SNX2: variants seen among roughly 807,000 people sequenced by gnomAD.
SNX2 encodes sorting nexin 2.
SNX2 carries 25 observed loss-of-function variants against 69.9 expected under a neutral mutation model. The observed-to-expected ratio is 0.36, with a 90% CI of 0.26 to 0.50. SNX2 has a LOEUF of 0.50. Ranked by LOEUF, SNX2 falls within the 20% of genes least tolerant of loss-of-function variation. The probability of loss-of-function intolerance (pLI) is 0.97; values close to 1 mark genes in which losing one functional copy is unlikely to be tolerated. For synonymous variants in SNX2, 229 were observed against 200.4 expected (o/e 1.14, Z -1.20); for missense variants, 551 against 613.3 (o/e 0.90, Z 1.07).
At chr5:122,810,285 G>A (rs1335228711) in intron 7 of SNX2, among the ~76,000 whole-genome samples, 1 of 149,320 alleles carries the variant, frequency 6.7e-6, no homozygotes, top group African/African-American at 2.5e-5. Flanking sequence ...AGGGTCCTCT[G>A]CCTAGGAAAA....
intron 12 of SNX2, among the ~76,000 whole-genome samples, chr5:122,827,151 G>A (rs1245973681): frequency 1.3e-5 from 2 of 151,976 alleles, no homozygotes; most frequent in Admixed American, 1.3e-4. Flanking sequence ...GTACAGTATT[G>A]AAATATCTTA....
chr5:122,824,948 C>T (rs1228431455), intron 11 of SNX2, among the ~76,000 whole-genome samples: 1 of 152,106 alleles, frequency 6.6e-6, no homozygotes, highest in African/African-American at 2.4e-5. Context: ...TCCCACCTTT[C>T]GTATTTGGGA....
In SNX2 at chr5:122,781,118, G is replaced by A. The variant is rs551097785; in HGVS notation, c.108+5907G>A. On this transcript the variant is annotated intron_variant, in intron 1 of 14. Coordinates refer to ENST00000379516, the MANE Select transcript of SNX2 (RefSeq NM_003100.4). ...TTATTTTTAGATCCTATAAAAATAA[G>A]TTATTTTATGAAGTTGCTTGCGACA... is the stretch of plus-strand genomic sequence containing the variant. 1.4e-4 allele frequency among the ~76,000 whole-genome samples: 21 copies of A among 152,276 alleles called. No individual in the cohort carries two copies. The South Asian group carries it at 2.9e-3, about 21-fold the overall frequency.
At chr5:122,777,426 G>C (rs997130638) in intron 1 of SNX2, among the ~76,000 whole-genome samples, 7 of 152,136 alleles carry the variant, frequency 4.6e-5, no homozygotes, top group African/African-American at 1.2e-4. Flanking sequence ...AGATCATCAG[G>C]CTTGAATAGT....
rs116659470 is a variant in SNX2 at position 122,797,715 on chromosome 5, C to T, written c.227-1977C>T. ...GTGACATTGACATAATCAGTTCATACATGTCTCAAAGTATGTCTCCAAGGA... is the reference window on the plus strand; with the variant it reads ...GTGACATTGACATAATCAGTTCATATATGTCTCAAAGTATGTCTCCAAGGA... On this transcript the variant is annotated intron_variant, in intron 2 of 14. Coordinates refer to ENST00000379516, the MANE Select transcript of SNX2 (RefSeq NM_003100.4). 8.6e-3 allele frequency among the ~76,000 whole-genome samples: 1,314 copies of T among 152,246 alleles called. 22 individuals are homozygous for T. Among genetic ancestry groups the T allele is most frequent in the African/African-American group, 0.03 (1,250 of 41,548 alleles).
At chr5:122,796,835 GT>G (rs796711888) in intron 2 of SNX2, among the ~76,000 whole-genome samples, 5 of 149,590 alleles carry the variant, frequency 3.3e-5, no homozygotes, top group East Asian at 2.0e-4. Flanking sequence ...TACATGCAAG[GT>G]TTTTTTTTTC....
chr5:122,781,973 G>T (rs966277035), intron 1 of SNX2, among the ~76,000 whole-genome samples: 1 of 151,980 alleles, frequency 6.6e-6, no homozygotes, highest in Non-Finnish European at 1.5e-5. Flanking sequence ...TGTTGTGTCT[G>T]TATGGTGGAA....
intron 2 of SNX2, among the ~76,000 whole-genome samples, chr5:122,798,435 A>G (rs969121344): frequency 7.2e-5 from 11 of 152,240 alleles, no homozygotes; most frequent in Non-Finnish European, 1.0e-4. Context: ...TGAGATAACC[A>G]GTAAGAATAG....
chr5:122,806,142 G>GCGCACGCGCGCACACACACACACA lies in SNX2; in HGVS notation c.644-2134_644-2133insGCACGCGCGCACACACACACACAC. ...TGTGTATATATATACACACGCGCGC[G>GCGCACGCGCGCACACACACACACA]CACACACACACACACACACACACAC... is the stretch of plus-strand genomic sequence containing the variant. On this transcript the variant is annotated intron_variant, in intron 6 of 14. Transcript: ENST00000379516. Among the ~76,000 whole-genome samples, 346 of 130,642 alleles carry GCGCACGCGCGCACACACACACACA rather than the reference G, an allele frequency of 2.6e-3. 1 individual carries two copies. Among genetic ancestry groups the GCGCACGCGCGCACACACACACACA allele is most frequent in the Middle Eastern group, 7.7e-3 (2 of 260 alleles). 85.7% of individuals were successfully genotyped at this position (130,642 alleles called of 152,430 possible).
chr5:122,790,295 A>G (rs1753202558), intron 1 of SNX2, among the ~76,000 whole-genome samples: 1 of 152,072 alleles, frequency 6.6e-6, no homozygotes, highest in Non-Finnish European at 1.5e-5. Context: ...ATTTTTTTGT[A>G]TATTTAATAG....
chr5:122,792,268 G>A (rs1363789393), intron 1 of SNX2, among the ~76,000 whole-genome samples: 1 of 152,148 alleles, frequency 6.6e-6, no homozygotes, highest in Non-Finnish European at 1.5e-5. Flanking sequence ...TATTAATTAG[G>A]AGTGGCATCA....
chr5:122,784,699 T>C (rs530728883), intron 1 of SNX2, among the ~76,000 whole-genome samples: 130 of 152,196 alleles, frequency 8.5e-4, no homozygotes, highest in Non-Finnish European at 1.5e-3. Flanking sequence ...ATATTTGTGT[T>C]TTCTTTTTCA....
chr5:122,801,242 A>G (rs552617572), intron 3 of SNX2, among the ~76,000 whole-genome samples: 2 of 152,294 alleles, frequency 1.3e-5, no homozygotes, highest in South Asian at 2.1e-4. Context: ...GATTCAGTAT[A>G]TAGAACAAAA....
At chr5:122,815,423 C>CA (rs1219101226) in intron 7 of SNX2, 1 of 151,908 alleles carries the variant, frequency 6.6e-6, no homozygotes, top group African/African-American at 2.4e-5. Context: ...TGCTGACACG[C>CA]AAAAAAGTAT....
At chr5:122,783,717 C>G (rs1260167467) in intron 1 of SNX2, among the ~76,000 whole-genome samples, 1 of 152,072 alleles carries the variant, frequency 6.6e-6, no homozygotes, top group African/African-American at 2.4e-5. Context: ...ACTCCTCTAA[C>G]TTTGTTATTT....
intron 7 of SNX2, among the ~76,000 whole-genome samples, chr5:122,812,221 T>G (rs769445013): frequency 2.6e-5 from 4 of 152,222 alleles, no homozygotes; most frequent in Non-Finnish European, 5.9e-5. Context: ...TGCCCCCATT[T>G]TACTCAATAA....
chr5:122,792,047 C>T (rs982243152), intron 1 of SNX2, among the ~76,000 whole-genome samples: 1 of 152,186 alleles, frequency 6.6e-6, no homozygotes, highest in Non-Finnish European at 1.5e-5. Flanking sequence ...AAATAATACA[C>T]AAACTTGTTC....
At chr5:122,788,265 C>T (rs1172678714) in intron 1 of SNX2, among the ~76,000 whole-genome samples, 2 of 152,080 alleles carry the variant, frequency 1.3e-5, no homozygotes, top group Non-Finnish European at 2.9e-5. Context: ...ATTGGTATTC[C>T]CCTGTAAAAA....
intron 1 of SNX2, among the ~76,000 whole-genome samples, chr5:122,777,490 A>G (rs1436708522): frequency 2.6e-5 from 4 of 152,262 alleles, no homozygotes; most frequent in East Asian, 3.8e-4. Context: ...AGTCAGTCAT[A>G]TAAATTAATG....
Sources: gnomAD v4.1 joint callset for allele counts (sites outside exome capture counted in the v4.1 genomes callset) on GRCh38, gnomAD v4.1.1 for gene constraint, MANE v1.5 for transcripts, NCBI Gene and HGNC (gene_info 2026-07-23, HGNC 2026-07-21) for gene names.